CELF2: variants seen among roughly 807,000 people sequenced by gnomAD.
CELF2 encodes the protein CUGBP Elav-like family member 2, also known as CUG triplet repeat RNA-binding protein 2.
Under a neutral mutation model 62.6 loss-of-function variants are expected in CELF2, and 8 were observed. The ratio of observed to expected loss-of-function variants is 0.13; its 90% CI spans 0.07 to 0.23. The LOEUF (loss-of-function observed/expected upper bound fraction) is 0.23. Among genes scored for constraint, CELF2 ranks in the 10% least tolerant of loss-of-function variants. CELF2 has a pLI of 1.00. For missense variants in CELF2, 333 were observed against 671.0 expected (o/e 0.50, Z 5.56); for synonymous variants, 258 against 250.0 (o/e 1.03, Z -0.30).
chr10:10,730,286 GGC>G, the CELF2 span, among the ~76,000 whole-genome samples: 1 of 152,152 alleles, frequency 6.6e-6, no homozygotes, highest in Non-Finnish European at 1.5e-5. Context: ...AGACCAGCCT[GGC>G]CAAGATGGTG....
At chr10:10,811,114 G>A (rs1349693327) in intron 1 of CELF2, among the ~76,000 whole-genome samples, 2 of 152,188 alleles carry the variant, frequency 1.3e-5, no homozygotes, top group Non-Finnish European at 2.9e-5. Flanking sequence ...AAGACCCAGA[G>A]GACACAAAAG....
At chr10:11,033,026 G>A (rs1171062895) in intron 1 of CELF2, among the ~76,000 whole-genome samples, 1 of 152,098 alleles carries the variant, frequency 6.6e-6, no homozygotes, top group Non-Finnish European at 1.5e-5. Flanking sequence ...ATAACTTTGG[G>A]GTCCAGGTGA....
the CELF2 span, among the ~76,000 whole-genome samples, chr10:10,774,913 G>C: frequency 2.9e-4 from 43 of 150,128 alleles, no homozygotes; most frequent in African/African-American, 9.3e-4. Context: ...AAGTCTCTCT[G>C]TGTCACCCAG....
rs2138535183 is a variant in CELF2 at position 11,269,316 on chromosome 10, C to A, written c.619-1350C>A. On this transcript the variant is annotated intron_variant, in intron 6 of 12. Coordinates refer to ENST00000633077, the MANE Select transcript of CELF2 (RefSeq NM_001326342.2). This position sits in a 1 kb window ranked among gnomAD's most constrained non-coding sequence, Gnocchi z 4.4. ...AGACCAGTAGGCTGGAAGTTTAACA[C>A]TGAAATATTCATCTCATTTTTCTCA... Among the ~76,000 whole-genome samples the A allele has an allele frequency of 6.6e-6, 1 of 152,300 alleles. No individual in the cohort carries two copies. Among genetic ancestry groups the A allele is most frequent in the Admixed American group, 6.5e-5 (1 of 15,308 alleles).
chr10:10,687,780 T>C, the CELF2 span, among the ~76,000 whole-genome samples: 1 of 152,222 alleles, frequency 6.6e-6, no homozygotes, highest in Non-Finnish European at 1.5e-5. Flanking sequence ...ATGCAACATT[T>C]ACATAATTTC....
At chr10:10,571,739 G>T in the CELF2 span, among the ~76,000 whole-genome samples, 1 of 152,184 alleles carries the variant, frequency 6.6e-6, no homozygotes, top group South Asian at 2.1e-4. Context: ...GATTCTTGCA[G>T]TAGATTTCAG....
At chr10:10,521,341 G>A in the CELF2 span, among the ~76,000 whole-genome samples, 2 of 152,104 alleles carry the variant, frequency 1.3e-5, no homozygotes, top group African/African-American at 4.8e-5. Flanking sequence ...GACCAAAGAG[G>A]GCAGAATTGG....
chr10:10,483,028 T>A, the CELF2 span, among the ~76,000 whole-genome samples: 3 of 152,058 alleles, frequency 2.0e-5, 1 homozygote, highest in Admixed American at 1.3e-4. Flanking sequence ...TCTGCCTCCT[T>A]AAAGAGCCGG....
chr10:10,908,195 T>A (rs2063496872), intron 1 of CELF2, among the ~76,000 whole-genome samples: 1 of 147,468 alleles, frequency 6.8e-6, no homozygotes, highest in Admixed American at 6.8e-5. Flanking sequence ...CTGCTCCTTG[T>A]CAAAGAATGT....
At chr10:10,567,384 T>C in the CELF2 span, among the ~76,000 whole-genome samples, 1 of 152,190 alleles carries the variant, frequency 6.6e-6, no homozygotes, top group African/African-American at 2.4e-5. Flanking sequence ...TCGGGTTCCC[T>C]GGGGAAGCTA....
chr10:10,616,002 C>T, the CELF2 span, among the ~76,000 whole-genome samples: 1 of 152,090 alleles, frequency 6.6e-6, no homozygotes, highest in Non-Finnish European at 1.5e-5. Flanking sequence ...TGTTAGGATG[C>T]TCTTGGCTGG....
the CELF2 span, among the ~76,000 whole-genome samples, chr10:10,507,842 T>C: frequency 6.6e-6 from 1 of 152,194 alleles, no homozygotes; most frequent in African/African-American, 2.4e-5. Flanking sequence ...ACATTCTAAG[T>C]GATCAGATGT....
At chr10:10,799,974 C>T (rs904423266) in intron 1 of CELF2, among the ~76,000 whole-genome samples, 1 of 152,208 alleles carries the variant, frequency 6.6e-6, no homozygotes, top group Admixed American at 6.5e-5. Flanking sequence ...AGAACCCAAA[C>T]AGGAAATACA....
At position 11,247,884 on chromosome 10, in the gene CELF2, G is replaced by A. The variant is rs1253615853; in HGVS notation, c.355-1269G>A. ...ACAGGTGACTTGTCCTGCTTTTGAA[G>A]AGGCAGCTCACTTAGCCTCTTTCTT... On this transcript the variant is annotated intron_variant, in intron 3 of 12. Coordinates refer to ENST00000633077, the MANE Select transcript of CELF2 (RefSeq NM_001326342.2). The surrounding 1 kb of genome is among the most constrained non-coding windows in gnomAD (Gnocchi z 5.4). 6.6e-6 allele frequency among the ~76,000 whole-genome samples: 1 copy of A among 152,156 alleles called. No homozygotes were observed. The highest frequency in any genetic ancestry group is 1.9e-4 in the East Asian group (1 of 5,188).
rs375625277 is a variant in CELF2, at chr10:11,255,294, T to A, written c.404-2444T>A. Reference sequence around the variant, plus strand: ...GCCTGTTGCCCATGTCTCCTCCGAGTCTGAACACAAGCAGTGGCTCAGGCC... The same window carrying A: ...GCCTGTTGCCCATGTCTCCTCCGAGACTGAACACAAGCAGTGGCTCAGGCC... On this transcript the variant is annotated intron_variant, in intron 4 of 12. Coordinates refer to ENST00000633077, the MANE Select transcript of CELF2 (RefSeq NM_001326342.2). This position sits in a 1 kb window ranked among gnomAD's most constrained non-coding sequence, Gnocchi z 5.5. Among the ~76,000 whole-genome samples, 3 of 152,166 alleles carry A rather than the reference T, an allele frequency of 2.0e-5. No homozygotes were observed. The highest frequency in any genetic ancestry group is 7.2e-5 in the African/African-American group (3 of 41,514).
At chr10:10,781,099 G>C in the CELF2 span, among the ~76,000 whole-genome samples, 1 of 152,202 alleles carries the variant, frequency 6.6e-6, no homozygotes, top group African/African-American at 2.4e-5. Context: ...GTAGTCTTCA[G>C]TGTCTGTATT....
intron 1 of CELF2, among the ~76,000 whole-genome samples, chr10:10,919,271 A>G (rs929667133): frequency 4.5e-5 from 2 of 44,638 alleles, no homozygotes; most frequent in East Asian, 3.2e-4. Flanking sequence ...CTCTGTCTGA[A>G]AAAAAAAAAG....
the CELF2 span, among the ~76,000 whole-genome samples, chr10:10,738,231 G>A: frequency 2.0e-5 from 3 of 152,196 alleles, no homozygotes; most frequent in Non-Finnish European, 4.4e-5. Flanking sequence ...ATCTTTTATA[G>A]TAATTACCAG....
chr10:10,869,289 C>T (rs11256882), intron 1 of CELF2, among the ~76,000 whole-genome samples: 19,594 of 152,034 alleles, frequency 0.13, 1,629 homozygotes, highest in Non-Finnish European at 0.19. Context: ...ACAGGTGGGG[C>T]GCGGTGGCTC....
Sources: gnomAD v4.1 joint callset for allele counts (sites outside exome capture counted in the v4.1 genomes callset) on GRCh38, gnomAD v4.1.1 for gene constraint, Gnocchi (gnomAD v3.1) non-coding constraint, MANE v1.5 for transcripts, NCBI Gene and HGNC (gene_info 2026-07-23, HGNC 2026-07-21) for gene names.